Variants in MIB1 observed in about 807,000 individuals in gnomAD.
The protein encoded by MIB1 is MIB E3 ubiquitin protein ligase 1.
MIB1 carries 278 observed loss-of-function variants against 124.5 expected under a neutral mutation model. That is an observed-to-expected ratio of 2.23 (90% CI 2.02 to 2.47). MIB1 has a LOEUF of 2.47. Ranked by LOEUF, MIB1 falls within the 30% of genes most tolerant of loss-of-function variation. The probability of loss-of-function intolerance (pLI) is 0.00; values close to 1 mark genes in which losing one functional copy is unlikely to be tolerated. For synonymous variants in MIB1, 446 were observed against 429.4 expected (o/e 1.04, Z -0.48); for missense variants, 957 against 1,254.4 (o/e 0.76, Z 3.58).
rs576784780 is a variant in MIB1, at chr18:21,865,021, T to C, written c.*355T>C. 2.6e-3 allele frequency: 428 copies of C among 163,210 alleles called. 1 individual carries two copies. The Middle Eastern group carries it at 0.03, about 11-fold the overall frequency. 10.1% of individuals were successfully genotyped at this position (163,210 alleles called of 1,614,324 possible). ...AAAAGACATAATTCTTTGTGATCAG[T>C]TATCCTTCATTTCATCGTGGTTTTA... On this transcript the variant is annotated 3_prime_UTR_variant, in exon 21 of 21. Transcript: ENST00000261537.
rs2146372688 is a variant in MIB1 at position 21,741,490 on chromosome 18, T to G, written c.-94T>G. The G allele has an allele frequency of 1.4e-5, 11 of 768,466 alleles. No homozygotes were observed. Among genetic ancestry groups the G allele is most frequent in the East Asian group, 9.9e-5 (2 of 20,228 alleles). The allele number at this position is 768,466 out of a possible 1,614,324, so 47.6% of individuals were successfully genotyped here. Reference sequence around the variant, plus strand: ...GCTCGCTGCCGCCCCCGCCGACGCCTAGAGTCCGGCCCGGGCCCAACTCCC... The same window carrying G: ...GCTCGCTGCCGCCCCCGCCGACGCCGAGAGTCCGGCCCGGGCCCAACTCCC... On this transcript the variant is annotated 5_prime_UTR_variant, in exon 1 of 21. Transcript: ENST00000261537. The surrounding 1 kb of genome is among the most constrained non-coding windows in gnomAD (Gnocchi z 5.4).
chr18:21,846,861 CCACA>C, intron 15 of MIB1, 79 bp from the exon 16 acceptor site: 2 of 1,331,342 alleles, frequency 1.5e-6, no homozygotes, highest in Non-Finnish European at 2.1e-6. Flanking sequence ...TAAGTGTCCA[CCACA>C]CACACATACA....
At position 21,869,642 on chromosome 18, in the gene MIB1, A is replaced by C. The variant is rs1274627779; in HGVS notation, c.*4976A>C. On this transcript the variant is annotated 3_prime_UTR_variant, in exon 21 of 21. Transcript: ENST00000261537. ...AAAACTGATTATTTATGGCCGTGAC[A>C]CTGTTACCAGAAAAGTAATTCTAAT... 3 of 152,480 alleles carry C rather than the reference A, an allele frequency of 2.0e-5. No homozygotes were observed. The highest frequency in any genetic ancestry group is 4.4e-5 in the Non-Finnish European group (3 of 67,924). The allele number at this position is 152,480 out of a possible 1,614,324, so 9.4% of individuals were successfully genotyped here.
chr18:21,779,668 G>A lies in MIB1; in HGVS notation c.891G>A (p.Gln297=). Reference sequence around the variant, plus strand: ...ATGAAGATCATGACATTGTAGTACAGTATCCAAGTGGCAATAGGTGGGTGA... The same window carrying A: ...ATGAAGATCATGACATTGTAGTACAATATCCAAGTGGCAATAGGTGGGTGA... ...GIDEDHDIVV[Q]YPSGNRWTFN... is the part of the protein sequence containing the mutation. The change falls in exon 6 of 21, where the codon CAG becomes CAA. Residue 297 remains glutamine (Q), a synonymous_variant. Coordinates refer to ENST00000261537, the MANE Select transcript of MIB1 (RefSeq NM_020774.4). 1 of 1,613,788 alleles carries A rather than the reference G, an allele frequency of 6.2e-7. No individual in the cohort carries two copies. Among genetic ancestry groups the A allele is most frequent in the Non-Finnish European group, 8.5e-7 (1 of 1,179,696 alleles).
chr18:21,721,698 C>T (rs1239224043), intron 1 of MIB1, among the ~76,000 whole-genome samples: 1 of 152,018 alleles, frequency 6.6e-6, no homozygotes, highest in Admixed American at 6.6e-5. Flanking sequence ...AAAACTGTAG[C>T]TTGTGGGTAG....
chr18:21,710,827 A>AT (rs34702356), intron 1 of MIB1, among the ~76,000 whole-genome samples: 16,469 of 117,036 alleles, frequency 0.14, 1,543 homozygotes, highest in African/African-American at 0.23. Flanking sequence ...TAATTGACTG[A>AT]TTTTTTTTTT....
intron 13 of MIB1, among the ~76,000 whole-genome samples, chr18:21,842,489 AGG>A (rs2042100240): frequency 6.6e-6 from 1 of 152,196 alleles, no homozygotes; most frequent in Non-Finnish European, 1.5e-5. Context: ...GTTTTGACCT[AGG>A]TCCCCTGACT....
chr18:21,808,664 A>C (rs2041735449), intron 10 of MIB1, among the ~76,000 whole-genome samples: 1 of 152,118 alleles, frequency 6.6e-6, no homozygotes, highest in African/African-American at 2.4e-5. Flanking sequence ...ATATTGACCT[A>C]CTGAATTCAG....
At chr18:21,747,196 T>C (rs1193879075) in intron 1 of MIB1, among the ~76,000 whole-genome samples, 1 of 152,214 alleles carries the variant, frequency 6.6e-6, no homozygotes, top group Non-Finnish European at 1.5e-5. Flanking sequence ...CTGTAAAATG[T>C]CTTTCTTATT....
chr18:21,799,820 G>A (rs923090201), intron 8 of MIB1, 21 bp from the exon 9 acceptor site: 1 of 1,603,388 alleles, frequency 6.2e-7, no homozygotes, highest in African/African-American at 1.3e-5. Context: ...TATATTAGCA[G>A]CTTTATTTGA....
chr18:21,849,811 C>G (rs1413412377), intron 17 of MIB1, among the ~76,000 whole-genome samples: 2 of 152,068 alleles, frequency 1.3e-5, no homozygotes, highest in African/African-American at 4.8e-5. Context: ...AGTACAAAAA[C>G]TGTTTTGCAT....
chr18:21,808,255 G>T (rs912677971), intron 10 of MIB1, among the ~76,000 whole-genome samples: 1 of 152,092 alleles, frequency 6.6e-6, no homozygotes, highest in African/African-American at 2.4e-5. Context: ...TAGGAAGTAG[G>T]CTCAAGAGAG....
chr18:21,867,039 A>G lies in MIB1; in HGVS notation c.*2373A>G, dbSNP rs563059629. 1.3e-5 allele frequency: 2 copies of G among 152,738 alleles called. No homozygotes were observed. The highest frequency in any genetic ancestry group is 4.8e-5 in the African/African-American group (2 of 41,562). The allele number at this position is 152,738 out of a possible 1,614,324, so 9.5% of individuals were successfully genotyped here. On this transcript the variant is annotated 3_prime_UTR_variant, in exon 21 of 21. Coordinates refer to ENST00000261537, the MANE Select transcript of MIB1 (RefSeq NM_020774.4). ...AGTTAGGTTCGTTACCCTGCTCATT[A>G]GCTAAACCTCTTTATCTTGTGCCTC...
At chr18:21,819,898 C>A (rs1482807936) in intron 12 of MIB1, among the ~76,000 whole-genome samples, 4 of 151,980 alleles carry the variant, frequency 2.6e-5, no homozygotes. Flanking sequence ...TAGTTTCTTT[C>A]TAAAGATTTA....
intron 17 of MIB1, among the ~76,000 whole-genome samples, chr18:21,849,691 A>T (rs548800045): frequency 6.6e-6 from 1 of 152,264 alleles, no homozygotes; most frequent in African/African-American, 2.4e-5. Flanking sequence ...TATCTAAAGT[A>T]TGGTAAAGTT....
At chr18:21,845,533 T>C (rs1341040921) in intron 15 of MIB1, among the ~76,000 whole-genome samples, 2 of 152,210 alleles carry the variant, frequency 1.3e-5, no homozygotes, top group Non-Finnish European at 2.9e-5. Flanking sequence ...TGAGTTAATT[T>C]GTATATATTG....
At chr18:21,810,839 T>C (rs939606133) in intron 10 of MIB1, among the ~76,000 whole-genome samples, 2 of 152,028 alleles carry the variant, frequency 1.3e-5, no homozygotes, top group African/African-American at 4.8e-5. Flanking sequence ...ATTCCTTGGA[T>C]ATGACACCAA....
intron 9 of MIB1, 65 bp downstream of exon 9, chr18:21,800,039 C>G (rs905533930): frequency 7.6e-7 from 1 of 1,307,230 alleles, no homozygotes; most frequent in African/African-American, 1.5e-5. Context: ...ACCTTATCCT[C>G]AACAATTACT....
intron 2 of MIB1, 52 bp from the exon 3 acceptor site, chr18:21,768,571 T>C: frequency 7.6e-7 from 1 of 1,308,804 alleles, no homozygotes. Context: ...AAAAAGTAAA[T>C]TATTGTTACC....
Sources: gnomAD v4.1 joint callset for allele counts (sites outside exome capture counted in the v4.1 genomes callset) on GRCh38, gnomAD v4.1.1 for gene constraint, Gnocchi (gnomAD v3.1) non-coding constraint, MANE v1.5 for transcripts, NCBI Gene and HGNC (gene_info 2026-07-23, HGNC 2026-07-21) for gene names.